Variants in ADAMTS6 observed in about 807,000 individuals in gnomAD.
ADAMTS6 encodes ADAM metallopeptidase with thrombospondin type 1 motif 6.
A neutral mutation model predicts 144.3 loss-of-function variants in ADAMTS6; 23 were observed. The observed-to-expected ratio is 0.16, with a 90% CI of 0.11 to 0.23. The LOEUF is 0.23. ADAMTS6 is among the 10% of genes least tolerant of loss of function. The pLI is 1.00. For synonymous variants in ADAMTS6, 444 were observed against 457.5 expected (o/e 0.97, Z 0.38); for missense variants, 999 against 1,379.6 (o/e 0.72, Z 4.37).
chr5:65,247,786 T>C (rs973912475), intron 14 of ADAMTS6, among the ~76,000 whole-genome samples: 3 of 152,188 alleles, frequency 2.0e-5, no homozygotes, highest in African/African-American at 7.2e-5. Flanking sequence ...ATCTGCTTCC[T>C]TTCTCTACTC....
intron 14 of ADAMTS6, among the ~76,000 whole-genome samples, chr5:65,253,948 A>C (rs1472387252): frequency 6.7e-6 from 1 of 148,370 alleles, no homozygotes; most frequent in Non-Finnish European, 1.5e-5. Context: ...CCACTCAAGC[A>C]ATCCTCCCAC....
intron 7 of ADAMTS6, among the ~76,000 whole-genome samples, chr5:65,359,010 G>A (rs1223205096): frequency 6.6e-6 from 1 of 152,076 alleles, no homozygotes; most frequent in African/African-American, 2.4e-5. Flanking sequence ...GATTTAAAAA[G>A]CAAAAGCAGA....
chr5:65,178,035 A>G (rs1754090716), intron 22 of ADAMTS6, among the ~76,000 whole-genome samples: 1 of 152,190 alleles, frequency 6.6e-6, no homozygotes, highest in Admixed American at 6.5e-5. Context: ...CAGGGAGGAA[A>G]CTTAGCTTCC....
intron 14 of ADAMTS6, among the ~76,000 whole-genome samples, chr5:65,242,666 T>C (rs1256824086): frequency 6.6e-6 from 1 of 152,184 alleles, no homozygotes; most frequent in Non-Finnish European, 1.5e-5. Context: ...GGACTCCTAC[T>C]ACTATAGCTA....
At chr5:65,398,982 G>A (rs1753685447) in intron 7 of ADAMTS6, among the ~76,000 whole-genome samples, 1 of 152,116 alleles carries the variant, frequency 6.6e-6, no homozygotes, top group South Asian at 2.1e-4. Flanking sequence ...TCTTGGCTGG[G>A]TGCGGTGGCT....
At chr5:65,400,960 A>G (rs1753867300) in intron 7 of ADAMTS6, among the ~76,000 whole-genome samples, 1 of 152,158 alleles carries the variant, frequency 6.6e-6, no homozygotes, top group South Asian at 2.1e-4. Flanking sequence ...CATGCTGTTT[A>G]CATTCTCCAT....
At chr5:65,249,543 T>C (rs1035422262) in intron 14 of ADAMTS6, among the ~76,000 whole-genome samples, 1 of 152,164 alleles carries the variant, frequency 6.6e-6, no homozygotes, top group African/African-American at 2.4e-5. Flanking sequence ...TTTCCTGTTC[T>C]AAAGCCTTTT....
At chr5:65,451,447 A>G (rs2150248671) in intron 7 of ADAMTS6, 28 bp downstream of exon 7, 1 of 1,612,170 alleles carries the variant, frequency 6.2e-7, no homozygotes, top group Non-Finnish European at 8.5e-7. Flanking sequence ...ACAACAATCA[A>G]TGGAAAAATA....
intron 7 of ADAMTS6, among the ~76,000 whole-genome samples, chr5:65,388,502 G>A (rs775365264): frequency 6.6e-6 from 1 of 152,122 alleles, no homozygotes; most frequent in Non-Finnish European, 1.5e-5. Context: ...AGAAAAGCAC[G>A]CGATTAAATG....
intron 13 of ADAMTS6, among the ~76,000 whole-genome samples, chr5:65,261,091 T>G (rs1002374399): frequency 4.3e-4 from 66 of 152,246 alleles, no homozygotes; most frequent in African/African-American, 1.6e-3. Context: ...AGTTTGTTTT[T>G]ACTCCAGACA....
At chr5:65,324,806 TA>T (rs1334369954) in intron 9 of ADAMTS6, among the ~76,000 whole-genome samples, 1 of 152,120 alleles carries the variant, frequency 6.6e-6, no homozygotes, top group African/African-American at 2.4e-5. Context: ...CTAACTTCAT[TA>T]AACACCATGC....
At chr5:65,346,508 C>A (rs1389890993) in intron 7 of ADAMTS6, among the ~76,000 whole-genome samples, 6 of 151,560 alleles carry the variant, frequency 4.0e-5, no homozygotes, top group African/African-American at 1.5e-4. Context: ...ATGACAAACC[C>A]ACAGCTAACA....
intron 22 of ADAMTS6, among the ~76,000 whole-genome samples, chr5:65,174,753 T>C (rs754460856): frequency 1.3e-5 from 2 of 152,240 alleles, no homozygotes; most frequent in African/African-American, 2.4e-5. Flanking sequence ...CTGAGTTTGG[T>C]GTAAACTGTA....
chr5:65,378,533 TAA>T (rs1751756409), intron 7 of ADAMTS6, among the ~76,000 whole-genome samples: 1 of 152,178 alleles, frequency 6.6e-6, no homozygotes, highest in African/African-American at 2.4e-5. Context: ...TGAAATTACA[TAA>T]TTCTCTTAAA....
intron 7 of ADAMTS6, among the ~76,000 whole-genome samples, chr5:65,352,320 T>A (rs564548323): frequency 6.6e-6 from 1 of 150,870 alleles, no homozygotes; most frequent in East Asian, 1.9e-4. Flanking sequence ...GAGAAGTAAA[T>A]AAAAAGAATG....
chr5:65,242,202 C>A lies in ADAMTS6; in HGVS notation c.1835G>T (p.Cys612Phe). 1 of 1,592,228 alleles carries A rather than the reference C, an allele frequency of 6.3e-7. No individual in the cohort carries two copies. Among genetic ancestry groups the A allele is most frequent in the Non-Finnish European group, 8.6e-7 (1 of 1,166,820 alleles). The change falls in exon 15 of 25, where the codon TGC (cysteine) becomes TTC (phenylalanine). Residue 612 changes from cysteine to phenylalanine, a missense_variant. By Grantham distance (205) the Cys-to-Phe change is radical. Coordinates refer to ENST00000381055, the MANE Select transcript of ADAMTS6 (RefSeq NM_197941.4). ...TCGAAAATCTCGGGAACCCAAAGGG[C>A]ATGGCTAAAATAAAATAAAATCATA... ...KRYRSCNTDP[C>F]PLGSRDFREK...
At chr5:65,397,294 T>G (rs1436253279) in intron 7 of ADAMTS6, among the ~76,000 whole-genome samples, 1 of 152,140 alleles carries the variant, frequency 6.6e-6, no homozygotes, top group Non-Finnish European at 1.5e-5. Flanking sequence ...CTTTATTGAC[T>G]TCCTGTTTTC....
intron 7 of ADAMTS6, among the ~76,000 whole-genome samples, chr5:65,373,257 CA>C (rs1751158017): frequency 6.6e-6 from 1 of 151,064 alleles, no homozygotes; most frequent in South Asian, 2.1e-4. Context: ...TAACTAAAAT[CA>C]GAGCAGAACT....
intron 7 of ADAMTS6, among the ~76,000 whole-genome samples, chr5:65,336,149 G>A (rs1015258984): frequency 2.6e-5 from 4 of 151,988 alleles, no homozygotes; most frequent in East Asian, 1.9e-4. Flanking sequence ...CAAACCATGA[G>A]TATATATACA....
Sources: gnomAD v4.1 joint callset for allele counts (sites outside exome capture counted in the v4.1 genomes callset) on GRCh38, gnomAD v4.1.1 for gene constraint, MANE v1.5 for transcripts, NCBI Gene and HGNC (gene_info 2026-07-23, HGNC 2026-07-21) for gene names.